ATG4C: variants seen among roughly 807,000 people sequenced by gnomAD.
ATG4C encodes the protein cysteine protease ATG4C.
Under a neutral mutation model 57.6 loss-of-function variants are expected in ATG4C, and 56 were observed. The ratio of observed to expected loss-of-function variants is 0.97; its 90% CI spans 0.78 to 1.21. The LOEUF (loss-of-function observed/expected upper bound fraction) is 1.21. Among genes scored for constraint, ATG4C ranks in the 50% most tolerant of loss-of-function variants. The pLI, the probability that ATG4C is intolerant of heterozygous loss-of-function variation, is 0.00. For missense variants in ATG4C, 595 were observed against 529.8 expected (o/e 1.12, Z -1.21); for synonymous variants, 157 against 174.1 (o/e 0.90, Z 0.78).
chr1:62,837,428 G>A (rs1666031450), intron 9 of ATG4C, among the ~76,000 whole-genome samples: 1 of 152,100 alleles, frequency 6.6e-6, no homozygotes, highest in Admixed American at 6.6e-5. Context: ...CAGAAAATGA[G>A]GTTCAGAGGA....
At chr1:62,850,616 TGTTTCACGGGTTTC>T (rs912481520) in intron 10 of ATG4C, among the ~76,000 whole-genome samples, 2 of 151,944 alleles carry the variant, frequency 1.3e-5, no homozygotes, top group Non-Finnish European at 2.9e-5. Flanking sequence ...TGCCCGCCCC[TGTTTCACGGGTTTC>T]GTTTGTTTCC....
chr1:62,847,683 C>T (rs1420410201), intron 10 of ATG4C, among the ~76,000 whole-genome samples: 1 of 152,060 alleles, frequency 6.6e-6, no homozygotes, highest in Admixed American at 6.5e-5. Context: ...CTCTTGGAAG[C>T]CATGAATTAG....
chr1:62,785,886 GA>G (rs1227495249), intron 1 of ATG4C, among the ~76,000 whole-genome samples: 2 of 151,770 alleles, frequency 1.3e-5, no homozygotes, highest in African/African-American at 2.4e-5. Context: ...ATTTTTTATT[GA>G]AAAAAATGAT....
At chr1:62,833,445 G>A (rs1183045082) in intron 7 of ATG4C, among the ~76,000 whole-genome samples, 3 of 152,116 alleles carry the variant, frequency 2.0e-5, no homozygotes, top group Admixed American at 6.5e-5. Context: ...TGGTATTCCT[G>A]ATATTTTATG....
chr1:62,834,928 C>A, intron 9 of ATG4C, 76 bp downstream of exon 9: 1 of 1,245,966 alleles, frequency 8.0e-7, no homozygotes, highest in Non-Finnish European at 1.2e-6. Context: ...TGCTAGGTAG[C>A]TATGCTTTTA....
At chr1:62,826,924 A>T (rs1367163236) in intron 6 of ATG4C, among the ~76,000 whole-genome samples, 4 of 152,158 alleles carry the variant, frequency 2.6e-5, no homozygotes, top group Non-Finnish European at 5.9e-5. Context: ...GCGGCTTTGT[A>T]ACTGTTCTCT....
chr1:62,828,517 ATTTG>A (rs1665739072), intron 6 of ATG4C, among the ~76,000 whole-genome samples: 1 of 152,006 alleles, frequency 6.6e-6, no homozygotes, highest in South Asian at 2.1e-4. Flanking sequence ...TCTCTTGTAA[ATTTG>A]TTTAAGTTCC....
At chr1:62,815,989 T>G (rs1372284748) in intron 3 of ATG4C, among the ~76,000 whole-genome samples, 1 of 152,056 alleles carries the variant, frequency 6.6e-6, no homozygotes, top group Non-Finnish European at 1.5e-5. Context: ...CCAGCCAGAA[T>G]CTTCCTGTTT....
At chr1:62,833,313 C>G (rs561105620) in intron 7 of ATG4C, among the ~76,000 whole-genome samples, 41 of 152,156 alleles carry the variant, frequency 2.7e-4, no homozygotes, top group Non-Finnish European at 5.0e-4. Context: ...ATTGATTCCA[C>G]TAGACATTTT....
At chr1:62,849,786 C>T (rs35814813) in intron 10 of ATG4C, among the ~76,000 whole-genome samples, 22,535 of 151,968 alleles carry the variant, frequency 0.15, 1,927 homozygotes, top group Middle Eastern at 0.21. Flanking sequence ...GCTAGGATTA[C>T]AGGCGTGAGC....
rs553339249 is a variant in ATG4C, at chr1:62,827,588, A to G, written c.797-1452A>G. Among the ~76,000 whole-genome samples the G allele has an allele frequency of 3.6e-4, 55 of 152,296 alleles. No homozygotes were observed. In the South Asian group the frequency reaches 0.01, roughly 28 times the overall value. ...AATTTTTCTGTTTTGCCTGCTGCTGAAGGCCCAGTGTCATATAGTAGCTAG... is the reference window on the plus strand; with the variant it reads ...AATTTTTCTGTTTTGCCTGCTGCTGGAGGCCCAGTGTCATATAGTAGCTAG... On this transcript the variant is annotated intron_variant, in intron 6 of 10. Transcript: ENST00000317868.
At chr1:62,804,879 G>A (rs886146095) in intron 2 of ATG4C, among the ~76,000 whole-genome samples, 12 of 152,082 alleles carry the variant, frequency 7.9e-5, no homozygotes, top group Admixed American at 4.6e-4. Flanking sequence ...GATAAAGACC[G>A]TTATGAGATA....
At position 62,816,790 on chromosome 1, in the gene ATG4C, C is replaced by G. The variant is rs1665292851; in HGVS notation, c.376C>G (p.Leu126Val). 1 of 1,570,824 alleles carries G rather than the reference C, an allele frequency of 6.4e-7. No individual in the cohort carries two copies. The highest frequency in any genetic ancestry group is 1.4e-5 in the African/African-American group (1 of 73,256). ...GATGCTCTTGGCTCAAGGACTCATA[C>G]TACACTTTCTTGGTAGAGGTAAATC... ...GQMLLAQGLI[L>V]HFLGRAWTWP... The change falls in exon 4 of 11, where the codon CTA (leucine) becomes GTA (valine). Residue 126 changes from leucine (L) to valine (V), a missense_variant. Coordinates refer to ENST00000317868, the MANE Select transcript of ATG4C (RefSeq NM_032852.4).
intron 1 of ATG4C, among the ~76,000 whole-genome samples, chr1:62,786,333 TAGCAGAATGTATGAG>T (rs1664082624): frequency 6.6e-6 from 1 of 152,200 alleles, no homozygotes; most frequent in South Asian, 2.1e-4. Context: ...GCTTATACTC[TAGCAGAATGTATGAG>T]ATGTAAACTT....
At chr1:62,834,739 T>C (rs775187359) in intron 8 of ATG4C, 37 bp from the exon 9 acceptor site, 17 of 1,552,396 alleles carry the variant, frequency 1.1e-5, no homozygotes, top group Non-Finnish European at 1.5e-5. Context: ...TAATAAGGTG[T>C]TTTTTGAATT....
At chr1:62,823,466 C>T (rs17123896) in intron 6 of ATG4C, among the ~76,000 whole-genome samples, 33,715 of 152,088 alleles carry the variant, frequency 0.22, 4,704 homozygotes, top group African/African-American at 0.4. Flanking sequence ...TCTTCATTCT[C>T]GTTGATTTAG....
At chr1:62,800,966 A>C (rs1385649205) in intron 1 of ATG4C, among the ~76,000 whole-genome samples, 1 of 152,226 alleles carries the variant, frequency 6.6e-6, no homozygotes, top group Non-Finnish European at 1.5e-5. Flanking sequence ...CAGGGACTCC[A>C]TGATAGTAAG....
intron 1 of ATG4C, 80 bp from the exon 2 acceptor site, chr1:62,803,639 C>T (rs1028689848): frequency 2.4e-6 from 1 of 422,916 alleles, no homozygotes; most frequent in Non-Finnish European, 4.3e-6. Context: ...TGTATTTAAT[C>T]ACTTAAGTAA....
chr1:62,843,298 CTT>C (rs1310541116), intron 10 of ATG4C, among the ~76,000 whole-genome samples: 1 of 152,072 alleles, frequency 6.6e-6, no homozygotes, highest in Non-Finnish European at 1.5e-5. Context: ...GTTGAAATGT[CTT>C]TTGGAAGTAC....
Sources: allele counts gnomAD v4.1 joint callset (sites outside exome capture counted in the v4.1 genomes callset), GRCh38; gene constraint gnomAD v4.1.1; transcripts MANE v1.5; gene names NCBI Gene and HGNC (gene_info 2026-07-23, HGNC 2026-07-21).